Variants in PTK2 observed in about 807,000 individuals in gnomAD.
PTK2 encodes focal adhesion kinase 1.
Under a neutral mutation model 150.1 loss-of-function variants are expected in PTK2, and 45 were observed. The ratio of observed to expected loss-of-function variants is 0.30; its 90% CI spans 0.24 to 0.38. The LOEUF (loss-of-function observed/expected upper bound fraction) is 0.38. Among genes scored for constraint, PTK2 ranks in the 10% least tolerant of loss-of-function variants. The pLI, the probability that PTK2 is intolerant of heterozygous loss-of-function variation, is 1.00. For synonymous variants in PTK2, 432 were observed against 449.2 expected (o/e 0.96, Z 0.48); for missense variants, 919 against 1,307.3 (o/e 0.70, Z 4.58).
At chr8:140,845,868 A>G (rs527812856) in intron 7 of PTK2, among the ~76,000 whole-genome samples, 6 of 152,260 alleles carry the variant, frequency 3.9e-5, no homozygotes, top group African/African-American at 1.4e-4. Context: ...GTTATTCTAG[A>G]TTTTTCTGAT....
At chr8:140,849,444 C>A (rs556964351) in intron 5 of PTK2, among the ~76,000 whole-genome samples, 70 of 152,322 alleles carry the variant, frequency 4.6e-4, no homozygotes, top group African/African-American at 1.6e-3. Flanking sequence ...ACTTCTTGAC[C>A]ACCTGTCTTC....
chr8:140,877,233 C>T (rs1285359149), intron 4 of PTK2, among the ~76,000 whole-genome samples: 1 of 151,824 alleles, frequency 6.6e-6, no homozygotes, highest in Admixed American at 6.6e-5. Context: ...GGGTTTCACT[C>T]ATGTTGGCCA....
chr8:140,724,690 A>T (rs1243030162), intron 22 of PTK2, among the ~76,000 whole-genome samples: 2 of 152,234 alleles, frequency 1.3e-5, no homozygotes, highest in Non-Finnish European at 2.9e-5. Flanking sequence ...TGTTTTGGCA[A>T]GTTCATGGGA....
intron 16 of PTK2, among the ~76,000 whole-genome samples, chr8:140,758,037 G>T (rs935763378): frequency 6.7e-6 from 1 of 148,828 alleles, no homozygotes; most frequent in Non-Finnish European, 1.5e-5. Context: ...ACTATACTTT[G>T]TTTTTCTTTT....
Position 140,744,785 on chromosome 8 carries a change from A to G in PTK2, c.1519-18T>C. 2 of 1,339,092 alleles carry G rather than the reference A, an allele frequency of 1.5e-6. No individual in the cohort carries two copies. The highest frequency in any genetic ancestry group is 2.7e-5 in the South Asian group (2 of 74,924). 83.0% of individuals were successfully genotyped at this position (1,339,092 alleles called of 1,614,324 possible). A position where few individuals can be genotyped will look rare whatever the true frequency, so the allele number is the denominator to read the frequency against. ...GACCTCAGCTTTTGGAACAATGACC[A>G]AAAGAAAAAAAAAAAAAAAAGAATT... On this transcript the variant is annotated intron_variant, in intron 18 of 31. Transcript: ENST00000522684.
intron 1 of PTK2, among the ~76,000 whole-genome samples, chr8:140,961,179 A>G (rs532885609): frequency 6.6e-6 from 1 of 152,328 alleles, no homozygotes; most frequent in African/African-American, 2.4e-5. Flanking sequence ...TTTCCCTCGA[A>G]GACAGGCAAA....
intron 1 of PTK2, among the ~76,000 whole-genome samples, chr8:140,937,385 A>C (rs1468394954): frequency 6.6e-6 from 1 of 152,152 alleles, no homozygotes; most frequent in East Asian, 1.9e-4. Context: ...TTGTCTATAT[A>C]AAATGGACTT....
intron 14 of PTK2, among the ~76,000 whole-genome samples, chr8:140,775,345 C>T (rs1297517525): frequency 2.6e-5 from 4 of 151,940 alleles, no homozygotes; most frequent in East Asian, 3.9e-4. Flanking sequence ...GCTAGTCAGG[C>T]GTGGTGGTGT....
intron 23 of PTK2, among the ~76,000 whole-genome samples, chr8:140,709,522 C>T (rs2100035619): frequency 6.6e-6 from 1 of 152,156 alleles, no homozygotes; most frequent in Non-Finnish European, 1.5e-5. Flanking sequence ...GGCTTTGAGC[C>T]AGACTGTCAG....
chr8:140,859,765 C>T (rs1371558852), intron 5 of PTK2, among the ~76,000 whole-genome samples: 2 of 149,830 alleles, frequency 1.3e-5, no homozygotes, highest in Non-Finnish European at 3.0e-5. Flanking sequence ...CGCCCACCCC[C>T]GACATGTGTG....
chr8:141,000,987 C>G (rs2100200022), intron 1 of PTK2, 138 bp downstream of exon 1: 1 of 151,940 alleles, frequency 6.6e-6, no homozygotes, highest in Admixed American at 6.6e-5. Context: ...CGGTCTCCGC[C>G]GCATCCGCCC....
At chr8:140,801,394 T>C (rs2154593508) in intron 11 of PTK2, among the ~76,000 whole-genome samples, 1 of 152,342 alleles carries the variant, frequency 6.6e-6, no homozygotes, top group African/African-American at 2.4e-5. Flanking sequence ...AGGTAGTATT[T>C]GCCAAATGGC....
chr8:140,708,394 C>T (rs886747976), intron 23 of PTK2, among the ~76,000 whole-genome samples: 8 of 152,158 alleles, frequency 5.3e-5, no homozygotes, highest in African/African-American at 1.9e-4. Context: ...TTAGATGTTA[C>T]TTCTTTCACG....
At chr8:140,869,368 G>T (rs945192640) in intron 4 of PTK2, among the ~76,000 whole-genome samples, 3 of 152,106 alleles carry the variant, frequency 2.0e-5, no homozygotes, top group Non-Finnish European at 4.4e-5. Flanking sequence ...ATCTAAAATT[G>T]ATGCCAACCC....
intron 21 of PTK2, among the ~76,000 whole-genome samples, chr8:140,738,696 G>A (rs1053212940): frequency 6.6e-6 from 1 of 152,084 alleles, no homozygotes; most frequent in Non-Finnish European, 1.5e-5. Context: ...GATGGCAAAG[G>A]GAGAGAGAGA....
At chr8:140,868,335 T>C (rs1414182175) in intron 4 of PTK2, among the ~76,000 whole-genome samples, 3 of 152,208 alleles carry the variant, frequency 2.0e-5, no homozygotes, top group Admixed American at 6.5e-5. Context: ...GTTCTTACAA[T>C]AGACTTCCAA....
chr8:140,744,873 G>A, intron 18 of PTK2, 106 bp from the exon 22 acceptor site: 1 of 539,630 alleles, frequency 1.9e-6, no homozygotes. Context: ...TGTTTTCAAT[G>A]CATTTTTAAT....
intron 1 of PTK2, among the ~76,000 whole-genome samples, chr8:140,941,354 C>T (rs2100175677): frequency 6.6e-6 from 1 of 152,198 alleles, no homozygotes; most frequent in Non-Finnish European, 1.5e-5. Context: ...TAGTTCTCTG[C>T]AGAGGCTGTA....
intron 27 of PTK2, among the ~76,000 whole-genome samples, chr8:140,683,135 G>GA (rs2100017985): frequency 6.6e-6 from 1 of 151,728 alleles, no homozygotes; most frequent in Non-Finnish European, 1.5e-5. Flanking sequence ...AGAGAAGATC[G>GA]AAAAAAATAC....
Sources: gnomAD v4.1 joint callset for allele counts (sites outside exome capture counted in the v4.1 genomes callset) on GRCh38, gnomAD v4.1.1 for gene constraint, MANE v1.5 for transcripts, NCBI Gene and HGNC (gene_info 2026-07-23, HGNC 2026-07-21) for gene names.